The following ANO2 variants were observed in gnomAD, a reference collection of about 807,000 sequenced individuals.
The protein encoded by ANO2 is anoctamin-2.
Under a neutral mutation model 124.2 loss-of-function variants are expected in ANO2, and 101 were observed. The ratio of observed to expected loss-of-function variants is 0.81; its 90% CI spans 0.69 to 0.96. The LOEUF (loss-of-function observed/expected upper bound fraction) is 0.96. Ranked by LOEUF, ANO2 falls within the 40% of genes least tolerant of loss-of-function variation. The probability of loss-of-function intolerance (pLI) is 0.00; values close to 1 mark genes in which losing one functional copy is unlikely to be tolerated. For synonymous variants in ANO2, 486 were observed against 482.5 expected (o/e 1.01, Z -0.09); for missense variants, 1,293 against 1,274.5 (o/e 1.01, Z -0.22).
intron 3 of ANO2, among the ~76,000 whole-genome samples, chr12:5,903,647 A>ATGTGTGTG (rs143239619): frequency 0.026 from 3,864 of 148,524 alleles, 49 homozygotes; most frequent in Admixed American, 0.044. Context: ...ATGTGCAAAG[A>ATGTGTGTG]TGTGTGTGTG....
At chr12:5,657,201 A>AT (rs1390582091) in intron 14 of ANO2, among the ~76,000 whole-genome samples, 2 of 152,174 alleles carry the variant, frequency 1.3e-5, no homozygotes, top group Non-Finnish European at 2.9e-5. Context: ...GATTGACTTG[A>AT]TGGGGGGTGG....
chr12:5,715,453 T>C (rs1314583110), intron 14 of ANO2, among the ~76,000 whole-genome samples: 3 of 152,188 alleles, frequency 2.0e-5, no homozygotes, highest in South Asian at 2.1e-4. Flanking sequence ...CAGGATTTGA[T>C]ACAAGTAACC....
intron 3 of ANO2, among the ~76,000 whole-genome samples, chr12:5,889,084 T>G (rs1939191650): frequency 6.6e-6 from 1 of 152,212 alleles, no homozygotes; most frequent in African/African-American, 2.4e-5. Context: ...CAGCAGCTGC[T>G]GGCCCAGGTG....
At chr12:5,619,689 G>A (rs1945013519) in intron 16 of ANO2, among the ~76,000 whole-genome samples, 1 of 152,206 alleles carries the variant, frequency 6.6e-6, no homozygotes, top group South Asian at 2.1e-4. Context: ...AGTACCACTG[G>A]AAAGAGGAAG....
At chr12:5,773,457 G>A (rs1325767941) in intron 10 of ANO2, among the ~76,000 whole-genome samples, 4 of 152,120 alleles carry the variant, frequency 2.6e-5, no homozygotes, top group South Asian at 2.1e-4. Context: ...AGACAGAGCC[G>A]CAATTAGAAA....
At chr12:5,755,767 G>A (rs1017656725) in intron 10 of ANO2, among the ~76,000 whole-genome samples, 4 of 152,028 alleles carry the variant, frequency 2.6e-5, no homozygotes, top group Admixed American at 1.3e-4. Flanking sequence ...AGTATTCCAT[G>A]GTGTATATGT....
At chr12:5,805,279 G>A (rs879296574) in intron 9 of ANO2, among the ~76,000 whole-genome samples, 6 of 152,214 alleles carry the variant, frequency 3.9e-5, no homozygotes, top group Non-Finnish European at 5.9e-5. Context: ...CAGAGTGGGG[G>A]AGGGAAGTTG....
At chr12:5,906,551 C>T (rs1402662463) in intron 3 of ANO2, among the ~76,000 whole-genome samples, 2 of 152,004 alleles carry the variant, frequency 1.3e-5, no homozygotes, top group African/African-American at 4.8e-5. Context: ...AATCCCAGCA[C>T]TTTGGGAGGC....
At chr12:5,805,749 T>C (rs1314956882) in intron 9 of ANO2, among the ~76,000 whole-genome samples, 1 of 152,136 alleles carries the variant, frequency 6.6e-6, no homozygotes, top group Non-Finnish European at 1.5e-5. Context: ...GTTAAGGAAT[T>C]TGGACAGCCA....
intron 19 of ANO2, among the ~76,000 whole-genome samples, chr12:5,605,823 C>G (rs970093937): frequency 2.6e-5 from 4 of 152,094 alleles, no homozygotes; most frequent in Non-Finnish European, 5.9e-5. Context: ...CAGATTCAGC[C>G]ACGCTGCTCG....
chr12:5,932,910 G>A (rs1942483621), intron 1 of ANO2, among the ~76,000 whole-genome samples: 1 of 152,146 alleles, frequency 6.6e-6, no homozygotes, highest in African/African-American at 2.4e-5. Context: ...AATTAACTAG[G>A]CATCTACCAA....
At chr12:5,762,009 T>G (rs971749658) in intron 10 of ANO2, among the ~76,000 whole-genome samples, 3 of 152,154 alleles carry the variant, frequency 2.0e-5, no homozygotes, top group Admixed American at 6.5e-5. Flanking sequence ...AATCCAAGCA[T>G]AATTGTTAAG....
intron 11 of ANO2, among the ~76,000 whole-genome samples, chr12:5,744,618 A>C (rs1288519501): frequency 2.6e-5 from 4 of 152,200 alleles, no homozygotes; most frequent in Non-Finnish European, 1.5e-5. Flanking sequence ...AAGTCCCTTC[A>C]GAACATCTGG....
intron 10 of ANO2, among the ~76,000 whole-genome samples, chr12:5,763,836 T>C (rs1300075860): frequency 6.6e-6 from 1 of 151,944 alleles, no homozygotes; most frequent in Non-Finnish European, 1.5e-5. Flanking sequence ...GATTAGAGCA[T>C]AAATCAATGA....
At chr12:5,729,048 G>T (rs1248512355) in intron 14 of ANO2, among the ~76,000 whole-genome samples, 1 of 152,060 alleles carries the variant, frequency 6.6e-6, no homozygotes, top group African/African-American at 2.4e-5. Flanking sequence ...AGAAAAATTA[G>T]AAATATCTTA....
At chr12:5,737,811 A>C (rs531986130) in intron 13 of ANO2, among the ~76,000 whole-genome samples, 16 of 152,296 alleles carry the variant, frequency 1.1e-4, no homozygotes, top group Admixed American at 8.5e-4. Context: ...CCAGTTTGGG[A>C]ATTTTCCCGC....
chr12:5,606,096 C>T (rs748290773), intron 19 of ANO2, among the ~76,000 whole-genome samples: 3 of 152,162 alleles, frequency 2.0e-5, no homozygotes, highest in Admixed American at 6.5e-5. Context: ...TTTTGTTTCC[C>T]ATCTCCAGGG....
chr12:5,602,690 G>GA (rs1047222583), intron 19 of ANO2, among the ~76,000 whole-genome samples: 5 of 151,600 alleles, frequency 3.3e-5, no homozygotes, highest in South Asian at 2.1e-4. Context: ...GCATAATGGT[G>GA]AAAAAAAAGC....
At chr12:5,792,741 T>C (rs1952733627) in intron 10 of ANO2, among the ~76,000 whole-genome samples, 1 of 152,228 alleles carries the variant, frequency 6.6e-6, no homozygotes, top group South Asian at 2.1e-4. Flanking sequence ...CTACTTTCTA[T>C]AAATTTTCTC....
Sources: gnomAD v4.1 joint callset for allele counts (sites outside exome capture counted in the v4.1 genomes callset) on GRCh38, gnomAD v4.1.1 for gene constraint, MANE v1.5 for transcripts, NCBI Gene and HGNC (gene_info 2026-07-23, HGNC 2026-07-21) for gene names.